METAP1: variants seen among roughly 807,000 people sequenced by gnomAD.
METAP1 encodes methionyl aminopeptidase 1.
METAP1 carries 28 observed loss-of-function variants against 53.8 expected under a neutral mutation model. The ratio of observed to expected loss-of-function variants is 0.52; its 90% confidence interval spans 0.39 to 0.71. METAP1 has a LOEUF of 0.71. Ranked by LOEUF, METAP1 falls within the 30% of genes least tolerant of loss-of-function variation. METAP1 has a pLI of 0.00. For missense variants in METAP1, 389 were observed against 479.8 expected, an observed-to-expected ratio of 0.81 and a Z score of 1.77; for synonymous variants, 181 against 165.7, an observed-to-expected ratio of 1.09 and a Z score of -0.71.
chr4:99,047,315 A>G (rs1380824707), intron 8 of METAP1, among the ~76,000 whole-genome samples: 1 of 152,030 alleles, frequency 6.6e-6, no homozygotes, highest in East Asian at 1.9e-4. Context: ...TTACACCACC[A>G]CCCTGTGTTT....
intron 1 of METAP1, among the ~76,000 whole-genome samples, chr4:99,020,193 G>A (rs907334780): frequency 6.6e-6 from 1 of 152,162 alleles, no homozygotes; most frequent in African/African-American, 2.4e-5. Context: ...TTCAGTCCAA[G>A]TATATAGTTT....
chr4:99,062,438 A>G lies in METAP1; in HGVS notation c.*1121A>G, dbSNP rs1412080413. 1 of 152,640 alleles carries G rather than the reference A, an allele frequency of 6.6e-6. No individual in the cohort carries two copies. The highest frequency in any genetic ancestry group is 1.5e-5 in the Non-Finnish European group (1 of 68,048). 9.5% of individuals were successfully genotyped at this position (152,640 alleles called of 1,614,324 possible). A position where few individuals can be genotyped will look rare whatever the true frequency, so the allele number is the denominator to read the frequency against. The stretch of plus-strand genomic sequence containing the variant: ...AAATGACCTCAGCTGCCCCATATCT[A>G]CGTTCCTTTCAGCAGTTGTCCAAGT... On this transcript the variant is annotated 3_prime_UTR_variant, in exon 11 of 11. Coordinates refer to ENST00000296411, the MANE Select transcript of METAP1 (RefSeq NM_015143.3).
chr4:99,036,713 T>C (rs1036839520), intron 4 of METAP1, among the ~76,000 whole-genome samples: 1 of 152,120 alleles, frequency 6.6e-6, no homozygotes, highest in African/African-American at 2.4e-5. Flanking sequence ...TAAGCCAGGC[T>C]TTTACTACTG....
In METAP1 at chr4:99,023,704, T is replaced by C; in HGVS notation, c.115-5163T>C. 7.1e-6 allele frequency: 7 copies of C among 985,386 alleles called. No individual in the cohort carries two copies. The South Asian group carries it at 2.8e-4, about 40-fold the overall frequency. 61.0% of individuals were successfully genotyped at this position (985,386 alleles called of 1,614,324 possible). ...GAGAGGTTCAAGATGGGGAGATATG[T>C]TGTGAAGCCGTTGTAGTTTGGCAAG... On this transcript the variant is annotated intron_variant, in intron 1 of 10. Coordinates refer to ENST00000296411, the MANE Select transcript of METAP1 (RefSeq NM_015143.3).
chr4:98,996,084 G>GGGCGCC (rs1722607357), intron 1 of METAP1, among the ~76,000 whole-genome samples: 1 of 152,154 alleles, frequency 6.6e-6, no homozygotes, highest in South Asian at 2.1e-4. Flanking sequence ...GCGGGGGCGG[G>GGGCGCC]GGCGCCACCC....
chr4:99,028,004 G>A (rs910470528), intron 1 of METAP1, among the ~76,000 whole-genome samples: 4 of 150,888 alleles, frequency 2.7e-5, no homozygotes. Context: ...CTTCTTGTCC[G>A]TGTCTTACTA....
chr4:99,039,585 CT>C (rs372906038), intron 5 of METAP1, 120 bp downstream of exon 5: 110,937 of 423,744 alleles, frequency 0.26, 83 homozygotes, highest in East Asian at 0.33. Flanking sequence ...ACCAGCCATG[CT>C]TTTTTTTTTT....
At position 99,028,942 on chromosome 4, in the gene METAP1, C is replaced by G. The variant is rs773418353; in HGVS notation, c.166+24C>G. On this transcript the variant is annotated intron_variant, in intron 2 of 10. Transcript: ENST00000296411. ...AAGTAAGTACAATCACAAATTTTTA[C>G]ACCATTTGTCTTAGAAGTGGCATTT... 11 of 1,482,262 alleles carry G rather than the reference C, an allele frequency of 7.4e-6. No individual in the cohort carries two copies. In the South Asian group the frequency reaches 1.3e-4, roughly 17 times the overall value. The allele number at this position is 1,482,262 out of a possible 1,614,324, so 91.8% of individuals were successfully genotyped here.
chr4:99,011,616 G>A (rs1417230919), intron 1 of METAP1, among the ~76,000 whole-genome samples: 1 of 152,186 alleles, frequency 6.6e-6, no homozygotes, highest in African/African-American at 2.4e-5. Flanking sequence ...GTCTTTATCT[G>A]GCTTTGGTAT....
chr4:99,014,117 A>C (rs1198961345), intron 1 of METAP1, among the ~76,000 whole-genome samples: 12 of 152,220 alleles, frequency 7.9e-5, no homozygotes, highest in Admixed American at 7.9e-4. Flanking sequence ...TCCAATAAGT[A>C]GAAGTATACC....
intron 3 of METAP1, among the ~76,000 whole-genome samples, chr4:99,034,789 T>C (rs1725310600): frequency 6.6e-6 from 1 of 152,196 alleles, no homozygotes; most frequent in African/African-American, 2.4e-5. Context: ...GACTGTATTA[T>C]ACTTTTCTAA....
intron 7 of METAP1, among the ~76,000 whole-genome samples, chr4:99,044,167 A>G (rs1233210872): frequency 6.6e-6 from 1 of 152,134 alleles, no homozygotes; most frequent in Non-Finnish European, 1.5e-5. Flanking sequence ...GGACTCAAGC[A>G]TCTGCCCACC....
chr4:99,001,946 C>A (rs1722944800), intron 1 of METAP1, among the ~76,000 whole-genome samples: 1 of 151,810 alleles, frequency 6.6e-6, no homozygotes, highest in Non-Finnish European at 1.5e-5. Flanking sequence ...ACAACAACAA[C>A]AAAAAAACGA....
intron 1 of METAP1, among the ~76,000 whole-genome samples, chr4:99,011,043 G>GTTT (rs71588993): frequency 2.7e-4 from 41 of 149,964 alleles, no homozygotes; most frequent in East Asian, 1.4e-3. Flanking sequence ...AGCTCTAACA[G>GTTT]TTTTTTTTTT....
At chr4:99,051,518 A>G (rs900196113) in intron 9 of METAP1, among the ~76,000 whole-genome samples, 6 of 151,800 alleles carry the variant, frequency 4.0e-5, no homozygotes, top group African/African-American at 1.5e-4. Context: ...CAGCCTCCTG[A>G]GTAGCTGGTA....
At chr4:99,022,500 T>A (rs112350769) in intron 1 of METAP1, 4 of 614,460 alleles carry the variant, frequency 6.5e-6, no homozygotes, top group African/African-American at 5.5e-5. Context: ...GTTGGGCAAA[T>A]GTCCAGGAGC....
Position 99,057,779 on chromosome 4 carries a change from T to A in METAP1, c.958T>A (p.Ser320Thr), listed in dbSNP as rs199849816. ...AKNKAVGVMKSGHVFTIEPMI... is the reference protein window; with the variant it reads ...AKNKAVGVMKTGHVFTIEPMI... ...AAATAAAGCAGTTGGAGTGATGAAG[T>A]CGGGCCATGTATTTACAATTGAGCC... The change falls in exon 10 of 11, where the codon TCG (serine) becomes ACG (threonine). Residue 320 changes from serine to threonine, a missense_variant. By Grantham distance (58) the Ser-to-Thr change is moderately conservative. Transcript: ENST00000296411. 5.4e-4 allele frequency: 868 copies of A among 1,595,644 alleles called. 3 individuals carry two copies. In the Middle Eastern group the frequency reaches 5.5e-3, roughly 10 times the overall value.
intron 9 of METAP1, among the ~76,000 whole-genome samples, chr4:99,054,942 A>G (rs1726987245): frequency 6.6e-6 from 1 of 152,224 alleles, no homozygotes; most frequent in Admixed American, 6.5e-5. Context: ...ACAGATCACT[A>G]TAACTGGTGT....
intron 9 of METAP1, among the ~76,000 whole-genome samples, chr4:99,050,216 G>T (rs1039421743): frequency 1.3e-5 from 2 of 152,188 alleles, no homozygotes. Flanking sequence ...TATAAGGTTG[G>T]CTGAGTTATA....
Sources: gnomAD v4.1 joint callset for allele counts (sites outside exome capture counted in the v4.1 genomes callset) on GRCh38, gnomAD v4.1.1 for gene constraint, MANE v1.5 for transcripts, NCBI Gene and HGNC (gene_info 2026-07-23, HGNC 2026-07-21) for gene names.